ADAM2: variants seen among roughly 807,000 people sequenced by gnomAD.
ADAM2 encodes the protein ADAM metallopeptidase domain 2, also known as disintegrin and metalloproteinase domain-containing protein 2.
A neutral mutation model predicts 99.3 loss-of-function variants in ADAM2; 101 were observed. The ratio of observed to expected loss-of-function variants is 1.02; its 90% CI spans 0.87 to 1.20. The LOEUF is 1.20. Among genes scored for constraint, ADAM2 ranks in the 50% most tolerant of loss-of-function variants. The probability of loss-of-function intolerance (pLI) is 0.00; values close to 1 mark genes in which losing one functional copy is unlikely to be tolerated. For synonymous variants in ADAM2, 323 were observed against 287.6 expected (o/e 1.12, Z -1.25); for missense variants, 948 against 878.7 (o/e 1.08, Z -1.00).
At chr8:39,824,711 C>T (rs1805330240) in intron 4 of ADAM2, 108 bp downstream of exon 4, 1 of 685,870 alleles carries the variant, frequency 1.5e-6, no homozygotes, top group Non-Finnish European at 2.6e-6. Flanking sequence ...TAAACTTATG[C>T]CAAGAAGCCA....
At chr8:39,825,810 G>C (rs181673319) in intron 3 of ADAM2, among the ~76,000 whole-genome samples, 2 of 152,004 alleles carry the variant, frequency 1.3e-5, no homozygotes, top group African/African-American at 4.8e-5. Flanking sequence ...AAAGGCAAAC[G>C]ACATCTTTTT....
intron 2 of ADAM2, among the ~76,000 whole-genome samples, chr8:39,835,324 C>T (rs1805776933): frequency 6.6e-6 from 1 of 152,152 alleles, no homozygotes. Context: ...ACTCTAAATT[C>T]CTGACTTTTA....
chr8:39,749,385 T>C lies in ADAM2; in HGVS notation c.1941A>G (p.Gln647=), dbSNP rs750629877. The C allele has an allele frequency of 2.5e-6, 4 of 1,613,566 alleles. No homozygotes were observed. The highest frequency in any genetic ancestry group is 3.4e-6 in the Non-Finnish European group (4 of 1,179,614). ...ASYLPPDCSV[Q]SDLWPGGSID... ...TACTCCCACCAGGCCATAGATCTGA[T>C]TGAACTGAGCAATCTGGAGGTAAAT... The change falls in exon 18 of 21, where the codon CAA becomes CAG. Residue 647 remains glutamine, a synonymous_variant. Coordinates refer to ENST00000265708, the MANE Select transcript of ADAM2 (RefSeq NM_001464.5).
At chr8:39,815,867 A>T (rs1804918310) in intron 6 of ADAM2, among the ~76,000 whole-genome samples, 1 of 152,210 alleles carries the variant, frequency 6.6e-6, no homozygotes, top group South Asian at 2.1e-4. Flanking sequence ...TATAATATGT[A>T]TAAAAATAAA....
At chr8:39,838,002 G>T in intron 1 of ADAM2, 129 bp downstream of exon 1, 1 of 987,408 alleles carries the variant, frequency 1.0e-6, no homozygotes, top group Non-Finnish European at 1.6e-6. Flanking sequence ...TGTCGGGGAT[G>T]AGCTTGGAAT....
chr8:39,825,039 T>C, intron 3 of ADAM2, 142 bp from the exon 4 acceptor site: 1 of 598,540 alleles, frequency 1.7e-6, no homozygotes. Flanking sequence ...TGGATTTTGT[T>C]CTAAATTTTA....
chr8:39,805,019 T>G (rs1401449454), intron 7 of ADAM2, among the ~76,000 whole-genome samples: 1 of 152,202 alleles, frequency 6.6e-6, no homozygotes, highest in Non-Finnish European at 1.5e-5. Flanking sequence ...TTCTGGAGGT[T>G]GGAACATTCA....
chr8:39,783,504 C>T (rs1322867560), intron 10 of ADAM2, among the ~76,000 whole-genome samples: 6 of 152,088 alleles, frequency 3.9e-5, no homozygotes, highest in Non-Finnish European at 7.4e-5. Context: ...ATTATTTCTT[C>T]TAGAACATCC....
At chr8:39,769,950 CTTTTTT>C (rs60250805) in intron 11 of ADAM2, among the ~76,000 whole-genome samples, 2 of 134,852 alleles carry the variant, frequency 1.5e-5, no homozygotes, top group African/African-American at 5.5e-5. Context: ...TTTCTTTTTT[CTTTTTT>C]TTTTTTTTGA....
chr8:39,821,504 C>T, intron 5 of ADAM2, 82 bp downstream of exon 5: 1 of 1,098,416 alleles, frequency 9.1e-7, no homozygotes, highest in Non-Finnish European at 1.3e-6. Flanking sequence ...ACTTTAGAAC[C>T]ACTGAATATT....
chr8:39,793,941 T>A (rs537012662), intron 7 of ADAM2, among the ~76,000 whole-genome samples: 1 of 152,248 alleles, frequency 6.6e-6, no homozygotes, highest in South Asian at 2.1e-4. Context: ...ATTTGGAAGA[T>A]TTGTTGTCTA....
At position 39,821,068 on chromosome 8, in the gene ADAM2, A is replaced by T. The variant is rs757291113; in HGVS notation, c.447T>A (p.Asp149Glu). Reference protein sequence around the residue: ...VIYQVKHKKADVSLYNEKDIE... With the variant: ...VIYQVKHKKAEVSLYNEKDIE... ...TATCCTTCTCATTATATAAGGAAAC[A>T]TCTGCTTTCTTATGTTTTACTTGGT... Residue 149 changes from aspartate (D) to glutamate (E), a missense_variant, in exon 6 of 21, where the codon GAT (aspartate) becomes GAA (glutamate). Coordinates refer to ENST00000265708, the MANE Select transcript of ADAM2 (RefSeq NM_001464.5). 28 of 1,607,508 alleles carry T rather than the reference A, an allele frequency of 1.7e-5. No individual in the cohort carries two copies. The highest frequency in any genetic ancestry group is 6.8e-6 in the Non-Finnish European group (8 of 1,174,558).
At chr8:39,807,095 A>T (rs991741727) in intron 7 of ADAM2, among the ~76,000 whole-genome samples, 1 of 152,182 alleles carries the variant, frequency 6.6e-6, no homozygotes, top group East Asian at 1.9e-4. Flanking sequence ...GACCCCACCC[A>T]TGGAAGTGAC....
intron 18 of ADAM2, among the ~76,000 whole-genome samples, chr8:39,748,481 T>A (rs1823562939): frequency 6.6e-6 from 1 of 152,172 alleles, no homozygotes; most frequent in South Asian, 2.1e-4. Context: ...AAATATAATA[T>A]TTCCAGATAC....
chr8:39,826,020 T>C (rs985257014), intron 3 of ADAM2, among the ~76,000 whole-genome samples: 1 of 152,208 alleles, frequency 6.6e-6, no homozygotes, highest in African/African-American at 2.4e-5. Context: ...TTCATGAACA[T>C]GCTTTATCTT....
chr8:39,806,656 G>A (rs561961803), intron 7 of ADAM2, among the ~76,000 whole-genome samples: 1 of 152,114 alleles, frequency 6.6e-6, no homozygotes, highest in Non-Finnish European at 1.5e-5. Context: ...AGAGCATTGA[G>A]TGGCATTGTG....
chr8:39,754,661 T>C (rs1441726079), intron 16 of ADAM2, among the ~76,000 whole-genome samples: 1 of 152,232 alleles, frequency 6.6e-6, no homozygotes, highest in Non-Finnish European at 1.5e-5. Context: ...ATTTTCTAAA[T>C]GAATATTAGT....
intron 7 of ADAM2, among the ~76,000 whole-genome samples, chr8:39,796,211 G>T (rs1803935873): frequency 6.6e-6 from 1 of 151,900 alleles, no homozygotes; most frequent in Non-Finnish European, 1.5e-5. Flanking sequence ...CCCACAACAG[G>T]CCCTGGTATG....
At chr8:39,788,034 T>C (rs777256831) in intron 9 of ADAM2, 51 bp downstream of exon 9, 3 of 1,229,536 alleles carry the variant, frequency 2.4e-6, no homozygotes, top group Non-Finnish European at 3.2e-6. Context: ...TTCGGTCAAA[T>C]TGCATAAATT....
Sources: gnomAD v4.1 joint callset for allele counts (sites outside exome capture counted in the v4.1 genomes callset) on GRCh38, gnomAD v4.1.1 for gene constraint, MANE v1.5 for transcripts, NCBI Gene and HGNC (gene_info 2026-07-23, HGNC 2026-07-21) for gene names.